Variants in ARID3C observed in about 807,000 individuals in gnomAD.
The protein encoded by ARID3C is AT-rich interaction domain 3C.
A neutral mutation model predicts 37.9 loss-of-function variants in ARID3C; 42 were observed. The observed-to-expected ratio is 1.11, with a 90% CI of 0.87 to 1.43. The LOEUF (loss-of-function observed/expected upper bound fraction) is 1.43, where lower values mean the gene tolerates loss of function less well. Among genes scored for constraint, ARID3C ranks in the 40% most tolerant of loss-of-function variants. The pLI, the probability that ARID3C is intolerant of heterozygous loss-of-function variation, is 0.00. For synonymous variants in ARID3C, 213 were observed against 228.0 expected, an observed-to-expected ratio of 0.93 and a Z score of 0.59; for missense variants, 581 against 548.8, an observed-to-expected ratio of 1.06 and a Z score of -0.59.
chr9:34,626,370 G>C (rs1483534704), intron 1 of ARID3C, among the ~76,000 whole-genome samples: 1 of 152,144 alleles, frequency 6.6e-6, no homozygotes, highest in Non-Finnish European at 1.5e-5. Context: ...TCATCTTCTG[G>C]TCTGATTTCC....
rs867863357 is a variant in ARID3C, at chr9:34,624,000, G to A, written c.439C>T (p.Leu147=). Residue 147 remains leucine, a synonymous_variant, in exon 3 of 7, where the codon CTG becomes TTG. Coordinates refer to ENST00000378909, the Ensembl canonical transcript of ARID3C. ...GTCACCAGGCGAAACAGAGCGTACA[G>A]GTCGAGCACCTGCTTCGCCATGATG... is the stretch of plus-strand genomic sequence containing the variant. 7 of 1,601,728 alleles carry A rather than the reference G, an allele frequency of 4.4e-6. No homozygotes were observed. In the African/African-American group the frequency reaches 9.4e-5, roughly 21 times the overall value.
Position 34,622,523 on chromosome 9 carries a change from C to T in ARID3C, c.872G>A (p.Ser291Asn). ...TGCCAGACAAGGGTTTGGAATTCCA[C>T]TCTCCTCTAGAAGAACAGGTTATTC... Residue 291 changes from serine (S) to asparagine (N), a missense_variant, in exon 5 of 7, where the codon AGT becomes AAT. Transcript: ENST00000378909. 1.9e-6 allele frequency: 3 copies of T among 1,603,690 alleles called. No homozygotes were observed. In the South Asian group the frequency reaches 3.4e-5, roughly 18 times the overall value.
At chr9:34,621,471 C>T in exon 7 of ARID3C, 1 of 1,527,614 alleles carries the variant, frequency 6.5e-7, no homozygotes, top group Middle Eastern at 1.8e-4. Flanking sequence ...GGGCAAGATG[C>T]TGGAAGGGGG....
intron 2 of ARID3C, 50 bp downstream of exon 3, chr9:34,625,692 C>T (rs1195665045): frequency 6.2e-7 from 1 of 1,609,174 alleles, no homozygotes; most frequent in Admixed American, 1.7e-5. Flanking sequence ...TTTCCTCAAA[C>T]CTGGTAAGGG....
chr9:34,625,489 C>A (rs1294246393), intron 2 of ARID3C, among the ~76,000 whole-genome samples: 6 of 152,218 alleles, frequency 3.9e-5, no homozygotes, highest in Non-Finnish European at 7.3e-5. Flanking sequence ...CCCTCCCACC[C>A]CAGGCCAGGC....
At chr9:34,626,818 A>G (rs994289766) in intron 1 of ARID3C, among the ~76,000 whole-genome samples, 2 of 152,158 alleles carry the variant, frequency 1.3e-5, no homozygotes, top group Admixed American at 1.3e-4. Context: ...AGCCCTGAGT[A>G]ACACTCAGTT....
Position 34,623,720 on chromosome 9 carries a change from G to C in ARID3C, c.576-6C>G. On this transcript the variant is annotated splice_polypyrimidine_tract_variant and splice_region_variant and intron_variant, in intron 3 of 6. Transcript: ENST00000378909. ...GGTACAGGTACTTCATGTACCTAGG[G>C]GCGGACAGCGGGCGGTGAGTGTATG... 2 of 1,528,232 alleles carry C rather than the reference G, an allele frequency of 1.3e-6. No homozygotes were observed. The allele number at this position is 1,528,232 out of a possible 1,614,324, so 94.7% of individuals were successfully genotyped here. A position where few individuals can be genotyped will look rare whatever the true frequency, so the allele number is the denominator to read the frequency against.
At chr9:34,624,335 C>G (rs1397847608) in intron 2 of ARID3C, among the ~76,000 whole-genome samples, 1 of 152,224 alleles carries the variant, frequency 6.6e-6, no homozygotes, top group Non-Finnish European at 1.5e-5. Context: ...GGAATGGATG[C>G]GGCTGTGTTC....
chr9:34,627,758 G>A (rs1236048284), exon 1 of ARID3C: 15 of 1,614,172 alleles, frequency 9.3e-6, no homozygotes, highest in Non-Finnish European at 1.3e-5. Flanking sequence ...CTGGCTAGAA[G>A]GCGAGCTGGG....
upstream of ARID3C, among the ~76,000 whole-genome samples, chr9:34,631,226 C>T (rs560276628): frequency 1.1e-4 from 16 of 152,226 alleles, 1 homozygote; most frequent in South Asian, 1.9e-3. Flanking sequence ...GTTTGGAGAT[C>T]GCTTTGTAGG....
intron 5 of ARID3C, 47 bp downstream of exon 6, chr9:34,622,300 C>A (rs1820581339): frequency 6.4e-7 from 1 of 1,573,114 alleles, no homozygotes; most frequent in Non-Finnish European, 8.6e-7. Context: ...GTCAATCCTC[C>A]CTCAGTGTAC....
chr9:34,621,491 G>A, exon 7 of ARID3C: 1 of 1,539,206 alleles, frequency 6.5e-7, no homozygotes, highest in Non-Finnish European at 8.7e-7. Context: ...GCCCTGTGGA[G>A]GGTGGGGGTG....
chr9:34,625,591 G>T, intron 2 of ARID3C, 151 bp downstream of exon 3: 1 of 689,330 alleles, frequency 1.5e-6, no homozygotes, highest in Non-Finnish European at 2.4e-6. Context: ...GGGTGGAGGA[G>T]GGGGACAGGG....
intron 1 of ARID3C, 85 bp downstream of exon 2, chr9:34,627,612 G>A (rs1820672928): frequency 2.4e-6 from 3 of 1,259,634 alleles, no homozygotes; most frequent in Non-Finnish European, 3.3e-6. Context: ...TGGTGGGGGT[G>A]GGTGGGCTGC....
chr9:34,622,168 T>G, intron 5 of ARID3C, 59 bp from the exon 7 acceptor site: 1 of 1,602,608 alleles, frequency 6.2e-7, no homozygotes, highest in Non-Finnish European at 8.5e-7. Context: ...GACTTATTAA[T>G]AGAATTTCCC....
chr9:34,630,677 G>T (rs1820715102), upstream of ARID3C, among the ~76,000 whole-genome samples: 1 of 152,036 alleles, frequency 6.6e-6, no homozygotes, highest in African/African-American at 2.4e-5. Flanking sequence ...CCTCCTCCCT[G>T]CTCTCCCTGC....
At chr9:34,621,558 C>T (rs909856493) in exon 7 of ARID3C, 2 of 1,573,724 alleles carry the variant, frequency 1.3e-6, no homozygotes, top group Non-Finnish European at 1.7e-6. Flanking sequence ...AAAGAGGACA[C>T]CTGGCAAAGG....
chr9:34,627,666 G>A (rs1242613342), intron 1 of ARID3C, 31 bp downstream of exon 2: 10 of 1,549,362 alleles, frequency 6.5e-6, no homozygotes, highest in Non-Finnish European at 8.7e-6. Context: ...AGATAGGGAA[G>A]AGGGCCGGAC....
chr9:34,631,422 C>G (rs1461068446), upstream of ARID3C, among the ~76,000 whole-genome samples: 1 of 152,210 alleles, frequency 6.6e-6, no homozygotes, highest in African/African-American at 2.4e-5. Context: ...GGCTGCCTCT[C>G]ATACCCGCAG....
Sources: allele counts gnomAD v4.1 joint callset (sites outside exome capture counted in the v4.1 genomes callset), GRCh38; gene constraint gnomAD v4.1.1; transcripts MANE v1.5; gene names NCBI Gene and HGNC (gene_info 2026-07-23, HGNC 2026-07-21).